ZNF700: variants seen among roughly 807,000 people sequenced by gnomAD.
The protein encoded by ZNF700 is zinc finger protein 700.
In ZNF700, 38 loss-of-function variants were observed where a neutral mutation model predicts 65.3. That is an observed-to-expected ratio of 0.58 (90% CI 0.45 to 0.76). The LOEUF is 0.76. Ranked by LOEUF, ZNF700 falls within the 30% of genes least tolerant of loss-of-function variation. ZNF700 has a pLI of 0.00. For missense variants in ZNF700, 857 were observed against 888.4 expected (o/e 0.96, Z 0.45); for synonymous variants, 285 against 290.4 (o/e 0.98, Z 0.19).
At chr19:11,938,595 T>TG (rs1218152534) in intron 1 of ZNF700, among the ~76,000 whole-genome samples, 7 of 152,218 alleles carry the variant, frequency 4.6e-5, no homozygotes, top group African/African-American at 1.7e-4. Context: ...TAGTATTCCA[T>TG]GTGTATATGT....
At chr19:11,930,304 CA>C (rs1391921268) in intron 1 of ZNF700, among the ~76,000 whole-genome samples, 4 of 148,276 alleles carry the variant, frequency 2.7e-5, no homozygotes, top group Non-Finnish European at 4.4e-5. Context: ...AGAAATATCC[CA>C]AAAGACAAGG....
intron 1 of ZNF700, among the ~76,000 whole-genome samples, chr19:11,943,314 C>G (rs1366515674): frequency 6.6e-6 from 1 of 151,998 alleles, no homozygotes; most frequent in South Asian, 2.1e-4. Flanking sequence ...TTCCATAGAC[C>G]CCTCCTTTAG....
chr19:11,948,977 C>T lies in ZNF700; in HGVS notation c.953C>T (p.Thr318Ile), dbSNP rs150318259. The T allele has an allele frequency of 2.5e-6, 4 of 1,608,668 alleles. No homozygotes were observed. In the South Asian group the frequency reaches 3.3e-5, roughly 13 times the overall value. ...GAATGTGGAAAAGCATTTGCATATA[C>T]CAGTTCTCTTCGTAGACATGAAAGG... is the stretch of plus-strand genomic sequence containing the variant. ...CKECGKAFAY[T>I]SSLRRHERTH... The change falls in exon 4 of 4, where the codon ACC becomes ATC. Residue 318 changes from threonine to isoleucine, a missense_variant. Thr to Ile is a moderately conservative substitution (Grantham distance 89, BLOSUM62 -1). This residue lies in a region of ZNF700 where 603 missense variants were observed against 619.9 expected (regional missense o/e 0.97). Transcript: ENST00000254321.
intron 1 of ZNF700, among the ~76,000 whole-genome samples, chr19:11,942,768 G>T (rs1972905538): frequency 6.6e-6 from 1 of 152,190 alleles, no homozygotes; most frequent in East Asian, 1.9e-4. Context: ...GTTAGGTCAG[G>T]AGTTGATTTT....
In ZNF700 at chr19:11,947,313, G is replaced by A. The variant is rs746339012; in HGVS notation, c.190+6G>A. On this transcript the variant is annotated splice_donor_region_variant and intron_variant, in intron 2 of 3. Coordinates refer to ENST00000254321, the MANE Select transcript of ZNF700 (RefSeq NM_144566.3). ...CAGGAACCTGACCTCTATAGGTAAG[G>A]ATGACAATATTCCTTCCGTCAGTGC... 21 of 1,613,586 alleles carry A rather than the reference G, an allele frequency of 1.3e-5. No individual in the cohort carries two copies. Among genetic ancestry groups the A allele is most frequent in the Non-Finnish European group, 1.4e-5 (17 of 1,179,900 alleles).
At chr19:11,933,993 A>T (rs1475279868) in intron 1 of ZNF700, among the ~76,000 whole-genome samples, 1 of 147,524 alleles carries the variant, frequency 6.8e-6, no homozygotes, top group Non-Finnish European at 1.5e-5. Context: ...TTCTTTCATC[A>T]CTGAGTAACA....
chr19:11,949,058 A>G lies in ZNF700; in HGVS notation c.1034A>G (p.Tyr345Cys), dbSNP rs753241605. ...AAGCAATATGGGGAAGGCTTATCCTATCTTATAAGTTTTCAAACACACATA... is the reference window on the plus strand; with the variant it reads ...AAGCAATATGGGGAAGGCTTATCCTGTCTTATAAGTTTTCAAACACACATA... ...ECKQYGEGLS[Y>C]LISFQTHIRM... Residue 345 changes from tyrosine to cysteine, a missense_variant, in exon 4 of 4, where the codon TAT becomes TGT. Around this residue, in one of 3 missense-constraint regions of ZNF700, gnomAD observed 603 missense variants for 619.9 expected, o/e 0.97. Transcript: ENST00000254321. 4.4e-6 allele frequency: 7 copies of G among 1,608,972 alleles called. No individual in the cohort carries two copies. Among genetic ancestry groups the G allele is most frequent in the Non-Finnish European group, 5.9e-6 (7 of 1,178,956 alleles).
chr19:11,947,406 TTGA>T (rs1199339639), intron 2 of ZNF700, 99 bp downstream of exon 2: 2 of 1,603,616 alleles, frequency 1.2e-6, no homozygotes, highest in Non-Finnish European at 1.7e-6. Context: ...AGGAAATACC[TTGA>T]TGAATAAATG....
chr19:11,933,504 C>G (rs954967598), intron 1 of ZNF700, among the ~76,000 whole-genome samples: 1 of 147,822 alleles, frequency 6.8e-6, no homozygotes, highest in Non-Finnish European at 1.5e-5. Context: ...ATCCCCTGTG[C>G]TCTTCCTAAT....
rs942537871 is a variant in ZNF700 at position 11,930,478 on chromosome 19, A to G, written c.63+5205A>G. Among the ~76,000 whole-genome samples, 7 of 148,508 alleles carry G rather than the reference A, an allele frequency of 4.7e-5. 1 individual carries two copies. The highest frequency in any genetic ancestry group is 1.6e-4 in the African/African-American group (6 of 38,116). On this transcript the variant is annotated intron_variant, in intron 1 of 3. Transcript: ENST00000254321. Reference sequence around the variant, plus strand: ...TTGAGTAAAGTTTACTTCTGTTATGAGAATGTTAAATCTATAATCAAAATG... The same window carrying G: ...TTGAGTAAAGTTTACTTCTGTTATGGGAATGTTAAATCTATAATCAAAATG...
intron 1 of ZNF700, among the ~76,000 whole-genome samples, chr19:11,931,707 A>C (rs1296946314): frequency 6.8e-6 from 1 of 148,112 alleles, no homozygotes; most frequent in Non-Finnish European, 1.5e-5. Flanking sequence ...TTTTAAGGAC[A>C]CATGGCATTT....
chr19:11,948,087 TA>T (rs1189523322), intron 3 of ZNF700, among the ~76,000 whole-genome samples, 188 bp from the exon 4 acceptor site: 3 of 152,196 alleles, frequency 2.0e-5, no homozygotes, highest in African/African-American at 7.2e-5. Flanking sequence ...CCCTTATGAA[TA>T]TTTTTTTAAA....
At chr19:11,930,856 A>G (rs1377053211) in intron 1 of ZNF700, among the ~76,000 whole-genome samples, 1 of 147,914 alleles carries the variant, frequency 6.8e-6, no homozygotes, top group East Asian at 1.9e-4. Flanking sequence ...AAAATTAGCC[A>G]AGCATAGTGG....
intron 1 of ZNF700, among the ~76,000 whole-genome samples, chr19:11,933,757 A>G (rs1021454038): frequency 2.7e-5 from 4 of 146,190 alleles, no homozygotes; most frequent in African/African-American, 8.2e-5. Context: ...TTGTTTTTGA[A>G]TGGTGTGAAC....
chr19:11,925,266 G>A lies in ZNF700; in HGVS notation c.56G>A (p.Arg19Gln), dbSNP rs535495910. 8 of 1,612,262 alleles carry A rather than the reference G, an allele frequency of 5.0e-6. No homozygotes were observed. The South Asian group carries it at 7.7e-5, about 15-fold the overall frequency. The part of the protein sequence containing the change: ...CREDPGTSES[R>Q]EMDPVAFEDV... ...GAGGACCCCGGTACATCTGAAAGCC[G>A]GGAAATGGTGCGTGTGCGGGACCAG... Residue 19 changes from arginine to glutamine, a missense_variant, in exon 1 of 4, where the codon CGG becomes CAG. By Grantham distance (43) the Arg-to-Gln change is conservative. Around this residue, in one of 3 missense-constraint regions of ZNF700, gnomAD observed 603 missense variants for 619.9 expected, o/e 0.97. Coordinates refer to ENST00000254321, the MANE Select transcript of ZNF700 (RefSeq NM_144566.3).
chr19:11,942,525 C>T (rs541747850), intron 1 of ZNF700, among the ~76,000 whole-genome samples: 3 of 152,240 alleles, frequency 2.0e-5, no homozygotes, highest in Admixed American at 1.3e-4. Context: ...TGGCTTTATT[C>T]GGCCAGGAGC....
intron 1 of ZNF700, among the ~76,000 whole-genome samples, chr19:11,946,219 G>T (rs554207748): frequency 4.7e-4 from 71 of 152,072 alleles, no homozygotes; most frequent in African/African-American, 1.7e-3. Context: ...GTCTTAGATC[G>T]TAAATGAGCT....
In ZNF700 at chr19:11,950,133, C is replaced by G. The variant is rs375842578; in HGVS notation, c.2109C>G (p.His703Gln). 1 of 1,614,118 alleles carries G rather than the reference C, an allele frequency of 6.2e-7. No homozygotes were observed. The highest frequency in any genetic ancestry group is 8.5e-7 in the Non-Finnish European group (1 of 1,180,026). ...CAAGAACACACATTGGAGAGAAACA[C>G]TATGAATGTAAGGAATGCGGAAAAG... ...IHARTHIGEK[H>Q]YECKECGKAF... Residue 703 changes from histidine to glutamine, a missense_variant, in exon 4 of 4, where the codon CAC becomes CAG. Physicochemically the swap from His to Gln is conservative, Grantham distance 24. Coordinates refer to ENST00000254321, the MANE Select transcript of ZNF700 (RefSeq NM_144566.3).
intron 1 of ZNF700, among the ~76,000 whole-genome samples, chr19:11,931,526 A>T (rs1972712780): frequency 6.7e-6 from 1 of 148,334 alleles, no homozygotes; most frequent in East Asian, 1.9e-4. Context: ...ACACCTCCCA[A>T]CAATATTCTA....
Sources: gnomAD v4.1 joint callset for allele counts (sites outside exome capture counted in the v4.1 genomes callset) on GRCh38, gnomAD v4.1.1 for gene constraint, gnomAD v4.1.1 regional missense constraint, MANE v1.5 for transcripts, NCBI Gene and HGNC (gene_info 2026-07-23, HGNC 2026-07-21) for gene names.